Variants in ZNF521 observed in about 807,000 individuals in gnomAD.
ZNF521 encodes LYST-interacting protein 3.
ZNF521 carries 14 observed loss-of-function variants against 105.5 expected under a neutral mutation model. The ratio of observed to expected loss-of-function variants is 0.13; its 90% CI spans 0.09 to 0.21. ZNF521 has a LOEUF of 0.21. ZNF521 is among the 10% of genes least tolerant of loss of function. The probability of loss-of-function intolerance (pLI) is 1.00; values close to 1 mark genes in which losing one functional copy is unlikely to be tolerated. For missense variants in ZNF521, 1,233 were observed against 1,629.7 expected, an observed-to-expected ratio of 0.76 and a Z score of 4.19; for synonymous variants, 635 against 606.0, an observed-to-expected ratio of 1.05 and a Z score of -0.70.
intron 3 of ZNF521, among the ~76,000 whole-genome samples, chr18:25,313,469 C>T (rs7235504): frequency 1.3e-5 from 2 of 151,966 alleles, no homozygotes; most frequent in Admixed American, 6.6e-5. Context: ...GGGGAGAAAC[C>T]GTTTCATCAG....
chr18:25,270,954 A>G (rs1195409417), intron 3 of ZNF521, among the ~76,000 whole-genome samples: 1 of 152,118 alleles, frequency 6.6e-6, no homozygotes, highest in Non-Finnish European at 1.5e-5. Context: ...GAAATAAAGC[A>G]TACTCAAATA....
At chr18:25,304,743 T>G (rs964325179) in intron 3 of ZNF521, among the ~76,000 whole-genome samples, 3 of 152,236 alleles carry the variant, frequency 2.0e-5, no homozygotes, top group Non-Finnish European at 4.4e-5. Context: ...TATCAGCTCC[T>G]GTGAACATTT....
chr18:25,316,668 T>C lies in ZNF521; in HGVS notation c.220+5340A>G, dbSNP rs73947306. ...ACACCATTAACACCTTCAACAAACA[T>C]GGATCGTTCCTGATTTCATTTCTCC... On this transcript the variant is annotated intron_variant, in intron 3 of 7. Coordinates refer to ENST00000361524, the MANE Select transcript of ZNF521 (RefSeq NM_015461.3). Among the ~76,000 whole-genome samples the C allele has an allele frequency of 4.3e-3, 661 of 152,236 alleles. 3 individuals carry two copies. The highest frequency in any genetic ancestry group is 0.015 in the African/African-American group (630 of 41,546).
At chr18:25,238,212 A>G (rs564218813) in intron 3 of ZNF521, among the ~76,000 whole-genome samples, 33 of 152,212 alleles carry the variant, frequency 2.2e-4, no homozygotes, top group Non-Finnish European at 4.4e-4. Flanking sequence ...TGGGTAAATG[A>G]ATAAACCTAA....
At chr18:25,199,741 G>C (rs1225584741) in intron 4 of ZNF521, among the ~76,000 whole-genome samples, 1 of 152,006 alleles carries the variant, frequency 6.6e-6, no homozygotes, top group Admixed American at 6.6e-5. Context: ...AACCTAACCT[G>C]ATTAACCCCA....
At chr18:25,264,885 G>T (rs1223949361) in intron 3 of ZNF521, among the ~76,000 whole-genome samples, 1 of 152,070 alleles carries the variant, frequency 6.6e-6, no homozygotes, top group Admixed American at 6.6e-5. Context: ...CCATGAAAAG[G>T]AAAAGAATAC....
At chr18:25,321,556 G>T (rs2145145465) in intron 3 of ZNF521, among the ~76,000 whole-genome samples, 1 of 152,288 alleles carries the variant, frequency 6.6e-6, no homozygotes, top group South Asian at 2.1e-4. Context: ...TGGTGCTCAA[G>T]GATAAGTATT....
chr18:25,182,420 C>G (rs1208369295), intron 5 of ZNF521, among the ~76,000 whole-genome samples: 1 of 152,146 alleles, frequency 6.6e-6, no homozygotes, highest in Non-Finnish European at 1.5e-5. Context: ...TTGAAACAAG[C>G]TGGAAAATGG....
chr18:25,245,368 A>G (rs1408208427), intron 3 of ZNF521, among the ~76,000 whole-genome samples: 1 of 152,162 alleles, frequency 6.6e-6, no homozygotes, highest in Non-Finnish European at 1.5e-5. Context: ...CCTATTATCG[A>G]CATCCCCCAC....
intron 5 of ZNF521, among the ~76,000 whole-genome samples, chr18:25,140,448 T>G (rs2034825616): frequency 1.3e-5 from 2 of 152,350 alleles, no homozygotes; most frequent in South Asian, 4.1e-4. Flanking sequence ...GGGTAAGACA[T>G]GGCAGAGGTT....
At chr18:25,084,434 G>A (rs1440247439) in intron 7 of ZNF521, among the ~76,000 whole-genome samples, 1 of 150,898 alleles carries the variant, frequency 6.6e-6, no homozygotes, top group Non-Finnish European at 1.5e-5. Flanking sequence ...TCAAAATCAG[G>A]TGATTTGGTG....
intron 5 of ZNF521, among the ~76,000 whole-genome samples, chr18:25,159,628 A>T (rs1036452979): frequency 5.3e-5 from 8 of 152,170 alleles, no homozygotes; most frequent in African/African-American, 1.9e-4. Flanking sequence ...GTCACTGCAA[A>T]ATTCAGAGTA....
At chr18:25,351,400 G>A (rs1292036563) in intron 1 of ZNF521, 2 of 147,060 alleles carry the variant, frequency 1.4e-5, no homozygotes, top group Non-Finnish European at 3.0e-5. Context: ...CTAATAAAAA[G>A]AAAAGCGTCT....
At chr18:25,262,393 G>A (rs150666653) in intron 3 of ZNF521, among the ~76,000 whole-genome samples, 302 of 152,056 alleles carry the variant, frequency 2.0e-3, no homozygotes, top group Non-Finnish European at 3.2e-3. Context: ...ATTTTTTTCC[G>A]TCTTGTTACA....
At chr18:25,275,759 G>A (rs1909990044) in intron 3 of ZNF521, among the ~76,000 whole-genome samples, 1 of 152,188 alleles carries the variant, frequency 6.6e-6, no homozygotes, top group Admixed American at 6.5e-5. Flanking sequence ...GGGCTAGACT[G>A]ACCAGGATTG....
At chr18:25,277,465 A>G (rs937347337) in intron 3 of ZNF521, among the ~76,000 whole-genome samples, 5 of 152,200 alleles carry the variant, frequency 3.3e-5, no homozygotes, top group Non-Finnish European at 5.9e-5. Context: ...TTTTTAAGTT[A>G]AAGATCAGTA....
Position 25,091,998 on chromosome 18 carries a change from T to G in ZNF521, c.3742A>C (p.Ser1248Arg). 6.2e-7 allele frequency: 1 copy of G among 1,614,030 alleles called. No homozygotes were observed. The highest frequency in any genetic ancestry group is 8.5e-7 in the Non-Finnish European group (1 of 1,179,914). ...AAGGTGCCTCCCATCCCTTCGAAGC[T>G]GTGCTCTATCAGGTGGCACTGGAGT... ...AKLQCHLIEH[S>R]FEGMGGTFKC... The change falls in exon 6 of 8, where the codon AGC becomes CGC. Residue 1248 changes from serine to arginine, a missense_variant. Ser to Arg is a moderately radical substitution (Grantham distance 110, BLOSUM62 -1). Transcript: ENST00000361524.
chr18:25,063,074 C>A (rs184884110), intron 7 of ZNF521, among the ~76,000 whole-genome samples: 56 of 152,302 alleles, frequency 3.7e-4, no homozygotes, highest in Non-Finnish European at 5.7e-4. Flanking sequence ...CTTTTCTCCA[C>A]CTCTGCCATG....
intron 5 of ZNF521, among the ~76,000 whole-genome samples, chr18:25,105,983 G>A (rs751150426): frequency 6.6e-6 from 1 of 151,970 alleles, no homozygotes; most frequent in African/African-American, 2.4e-5. Context: ...CCCTTTTAAG[G>A]TTTCATTAAG....
Sources: gnomAD v4.1 joint callset for allele counts (sites outside exome capture counted in the v4.1 genomes callset) on GRCh38, gnomAD v4.1.1 for gene constraint, MANE v1.5 for transcripts, NCBI Gene and HGNC (gene_info 2026-07-23, HGNC 2026-07-21) for gene names.